Variants in SCOC observed in about 807,000 individuals in gnomAD.
SCOC encodes the protein short coiled coil protein.
SCOC carries 7 observed loss-of-function variants against 9.9 expected under a neutral mutation model. The ratio of observed to expected loss-of-function variants is 0.71; its 90% CI spans 0.40 to 1.33. SCOC has a LOEUF of 1.33. Among genes scored for constraint, SCOC ranks in the 40% most tolerant of loss-of-function variants. SCOC has a pLI of 0.01. For synonymous variants in SCOC, 19 were observed against 28.2 expected (o/e 0.67, Z 1.03); for missense variants, 66 against 89.7 (o/e 0.74, Z 1.07).
upstream of SCOC, among the ~76,000 whole-genome samples, chr4:140,339,343 A>AACCCT (rs1726406227): frequency 6.6e-6 from 1 of 151,936 alleles, no homozygotes; most frequent in Non-Finnish European, 1.5e-5. Flanking sequence ...AAACCATAAA[A>AACCCT]ACCCTAGAAG....
intron 1 of SCOC, chr4:140,291,642 C>A (rs1255043497): frequency 2.5e-6 from 1 of 393,706 alleles, no homozygotes; most frequent in African/African-American, 2.1e-5. Context: ...GTACCTGACG[C>A]TTATTAATAT....
chr4:140,375,267 A>C (rs1728293881), intron 1 of SCOC, among the ~76,000 whole-genome samples: 1 of 152,212 alleles, frequency 6.6e-6, no homozygotes, highest in Non-Finnish European at 1.5e-5. Context: ...TAGAGCTAAA[A>C]GGTAGAGAAG....
chr4:140,296,184 G>C (rs1317369238), intron 1 of SCOC, among the ~76,000 whole-genome samples: 1 of 152,094 alleles, frequency 6.6e-6, no homozygotes, highest in Non-Finnish European at 1.5e-5. Context: ...GGTTGTGACA[G>C]GCGCATCACA....
At chr4:140,371,052 A>AT (rs1356662505), upstream of SCOC, among the ~76,000 whole-genome samples, 3 of 151,716 alleles carry the variant, frequency 2.0e-5, no homozygotes, top group African/African-American at 7.3e-5. Flanking sequence ...CGCCCAGCTA[A>AT]TTTTTTGTAT....
intron 1 of SCOC, among the ~76,000 whole-genome samples, chr4:140,272,213 C>T (rs1218128184): frequency 6.8e-6 from 1 of 147,474 alleles, no homozygotes; most frequent in African/African-American, 2.6e-5. Context: ...CCATGCCCAC[C>T]TACCTTTAAT....
At chr4:140,373,379 C>G (rs1439240499), upstream of SCOC, 1 of 1,452,454 alleles carries the variant, frequency 6.9e-7, no homozygotes, top group African/African-American at 1.4e-5. Context: ...GCTTCACCAG[C>G]GCCGCTTAGC....
At chr4:140,352,199 C>T (rs1560714868) in intron 2 of SCOC, among the ~76,000 whole-genome samples, 1 of 152,154 alleles carries the variant, frequency 6.6e-6, no homozygotes, top group African/African-American at 2.4e-5. Flanking sequence ...AAGATTATTC[C>T]CATATCCTTA....
At chr4:140,374,143 A>T (rs1578881539) in intron 1 of SCOC, 2 of 462,652 alleles carry the variant, frequency 4.3e-6, no homozygotes. Context: ...ATGGGAGGGG[A>T]GGCTGAGGTG....
chr4:140,342,071 C>T (rs1726537989), upstream of SCOC, among the ~76,000 whole-genome samples: 1 of 152,128 alleles, frequency 6.6e-6, no homozygotes, highest in African/African-American at 2.4e-5. Flanking sequence ...TCTTAGAGGA[C>T]TTGAACTAAC....
At chr4:140,334,784 T>C (rs986658646) in intron 1 of SCOC, among the ~76,000 whole-genome samples, 6 of 152,088 alleles carry the variant, frequency 3.9e-5, no homozygotes, top group African/African-American at 1.4e-4. Context: ...TTCTACTCTC[T>C]GATTCCATGA....
At chr4:140,380,182 C>G (rs367880771) in intron 3 of SCOC, among the ~76,000 whole-genome samples, 1 of 134,706 alleles carries the variant, frequency 7.4e-6, no homozygotes, top group Non-Finnish European at 1.6e-5. Context: ...TATTAGCTTT[C>G]TTTTTCTTTT....
intron 1 of SCOC, among the ~76,000 whole-genome samples, chr4:140,303,301 A>G (rs553715322): frequency 6.6e-6 from 1 of 152,334 alleles, no homozygotes; most frequent in Non-Finnish European, 1.5e-5. Context: ...AATGTTACCC[A>G]TGAATAATTT....
chr4:140,323,479 T>C (rs1732559544), intron 1 of SCOC, among the ~76,000 whole-genome samples: 1 of 152,144 alleles, frequency 6.6e-6, no homozygotes, highest in Admixed American at 6.5e-5. Flanking sequence ...ATAAATTTGA[T>C]AAGTCACTGG....
intron 2 of SCOC, among the ~76,000 whole-genome samples, chr4:140,347,506 A>G (rs781086450): frequency 5.9e-5 from 9 of 151,950 alleles, no homozygotes; most frequent in Admixed American, 1.3e-4. Flanking sequence ...AGCCTCTTTC[A>G]TCTTTCATCT....
At chr4:140,337,023 C>A (rs1732976387) in intron 1 of SCOC, among the ~76,000 whole-genome samples, 1 of 152,138 alleles carries the variant, frequency 6.6e-6, no homozygotes, top group Non-Finnish European at 1.5e-5. Context: ...TGCTTATTGA[C>A]CATTTGCATA....
At chr4:140,261,579 G>A (rs1032928215) in intron 1 of SCOC, among the ~76,000 whole-genome samples, 14 of 152,222 alleles carry the variant, frequency 9.2e-5, no homozygotes, top group African/African-American at 3.1e-4. Flanking sequence ...GTACTCCAAT[G>A]TGCAAGGCAC....
chr4:140,355,329 A>T (rs769878901), intron 2 of SCOC, among the ~76,000 whole-genome samples: 1 of 151,188 alleles, frequency 6.6e-6, no homozygotes, highest in Non-Finnish European at 1.5e-5. Context: ...ATAAGCATTC[A>T]TTAAAAACGT....
intron 2 of SCOC, among the ~76,000 whole-genome samples, chr4:140,345,291 G>A (rs1454971286): frequency 6.6e-6 from 1 of 152,104 alleles, no homozygotes; most frequent in Non-Finnish European, 1.5e-5. Context: ...TTGTTAGACT[G>A]AGTCACAAAA....
intron 1 of SCOC, among the ~76,000 whole-genome samples, chr4:140,295,210 G>A (rs1209511845): frequency 6.6e-6 from 1 of 152,136 alleles, no homozygotes; most frequent in Non-Finnish European, 1.5e-5. Context: ...TAATGATGGG[G>A]ATCCCTCCCT....
Sources: allele counts gnomAD v4.1 joint callset (sites outside exome capture counted in the v4.1 genomes callset), GRCh38; gene constraint gnomAD v4.1.1; transcripts MANE v1.5; gene names NCBI Gene and HGNC (gene_info 2026-07-23, HGNC 2026-07-21).